SLC25A51: variants seen among roughly 807,000 people sequenced by gnomAD.
The protein encoded by SLC25A51 is solute carrier family 25 member 51.
SLC25A51 carries 11 observed loss-of-function variants against 19.1 expected under a neutral mutation model. The ratio of observed to expected loss-of-function variants is 0.58; its 90% CI spans 0.36 to 0.96. The LOEUF (loss-of-function observed/expected upper bound fraction) is 0.96. Among genes scored for constraint, SLC25A51 ranks in the 40% least tolerant of loss-of-function variants. The pLI is 0.01. For missense variants in SLC25A51, 201 were observed against 365.4 expected (o/e 0.55, Z 3.67); for synonymous variants, 105 against 133.6 (o/e 0.79, Z 1.47).
At chr9:37,902,570 T>C (rs941861428) in intron 1 of SLC25A51, among the ~76,000 whole-genome samples, 8 of 152,274 alleles carry the variant, frequency 5.3e-5, no homozygotes, top group Admixed American at 3.3e-4. Context: ...TTTAGACTTT[T>C]GCATGTTTAC....
At chr9:37,884,184 A>G (rs1056089293), downstream of SLC25A51, among the ~76,000 whole-genome samples, 1 of 152,248 alleles carries the variant, frequency 6.6e-6, no homozygotes, top group Non-Finnish European at 1.5e-5. Flanking sequence ...TTTAAGATGC[A>G]TAATCCACTT....
At chr9:37,890,586 C>T (rs1021453429) in intron 2 of SLC25A51, among the ~76,000 whole-genome samples, 1 of 151,512 alleles carries the variant, frequency 6.6e-6, no homozygotes, top group Non-Finnish European at 1.5e-5. Context: ...ACACCAGCTA[C>T]TGGGAAGGTG....
intron 2 of SLC25A51, among the ~76,000 whole-genome samples, chr9:37,898,801 G>C (rs895816459): frequency 6.6e-6 from 1 of 152,088 alleles, no homozygotes; most frequent in African/African-American, 2.4e-5. Flanking sequence ...TTTCAAACAT[G>C]GGAAGGAAAT....
rs1337383559 is a variant in SLC25A51, at chr9:37,891,394, T to C, written c.-42-2802A>G. 3.3e-5 allele frequency among the ~76,000 whole-genome samples: 5 copies of C among 152,294 alleles called. No homozygotes were observed. The South Asian group carries it at 6.2e-4, about 19-fold the overall frequency. On this transcript the variant is annotated intron_variant, in intron 2 of 2. Transcript: ENST00000242275. ...CATTGAGAACGGGCCATGATGACGA[T>C]GGCGGTTTTGTCGAATAGAAAAGGG...
chr9:37,893,409 C>A (rs1214578875), intron 2 of SLC25A51, among the ~76,000 whole-genome samples: 26 of 152,304 alleles, frequency 1.7e-4, no homozygotes, highest in Middle Eastern at 6.8e-3. Context: ...ACTAATGTCA[C>A]TGCAGGCCCA....
downstream of SLC25A51, among the ~76,000 whole-genome samples, chr9:37,884,375 T>G (rs1831406748): frequency 6.6e-6 from 1 of 152,218 alleles, no homozygotes; most frequent in African/African-American, 2.4e-5. Flanking sequence ...ATGTCTTTAT[T>G]TAGATCATAT....
intron 2 of SLC25A51, among the ~76,000 whole-genome samples, chr9:37,894,141 C>T (rs562285804): frequency 7.9e-5 from 12 of 152,146 alleles, no homozygotes; most frequent in Admixed American, 2.0e-4. Context: ...ATTCTACCTC[C>T]TATTTATGGT....
chr9:37,885,597 T>G, downstream of SLC25A51: 2 of 732,518 alleles, frequency 2.7e-6, no homozygotes, highest in Admixed American at 2.0e-5. Flanking sequence ...CACTGTGAGT[T>G]TCACTCTTTT....
At chr9:37,886,963 A>C (rs1831470756), downstream of SLC25A51, among the ~76,000 whole-genome samples, 1 of 150,944 alleles carries the variant, frequency 6.6e-6, no homozygotes, top group Admixed American at 6.6e-5. Context: ...GGAGATCGAG[A>C]CCATCCTGGC....
At chr9:37,888,747 T>G (rs1458484625) in intron 2 of SLC25A51, among the ~76,000 whole-genome samples, 155 bp from the exon 3 acceptor site, 3 of 152,208 alleles carry the variant, frequency 2.0e-5, no homozygotes, top group African/African-American at 7.2e-5. Flanking sequence ...CCCCTGGAAG[T>G]CCCTGAGATC....
chr9:37,881,160 G>A (rs1400717436), intron 3 of SLC25A51, among the ~76,000 whole-genome samples: 1 of 148,516 alleles, frequency 6.7e-6, no homozygotes, highest in African/African-American at 2.5e-5. Context: ...TAACCAATGA[G>A]CTACAACAGA....
intron 2 of SLC25A51, among the ~76,000 whole-genome samples, chr9:37,891,431 G>A (rs1587162534): frequency 6.6e-6 from 1 of 152,352 alleles, no homozygotes; most frequent in East Asian, 1.9e-4. Context: ...GAAATGTGGG[G>A]AAAAGACAGA....
At chr9:37,883,432 CTTAT>C (rs1188347845), downstream of SLC25A51, among the ~76,000 whole-genome samples, 1 of 152,200 alleles carries the variant, frequency 6.6e-6, no homozygotes, top group Non-Finnish European at 1.5e-5. Context: ...TTAAATGCCA[CTTAT>C]TTGAGACAGC....
downstream of SLC25A51, chr9:37,885,986 T>A: frequency 6.2e-7 from 1 of 1,613,856 alleles, no homozygotes; most frequent in Non-Finnish European, 8.5e-7. Flanking sequence ...TGTGGAGTTC[T>A]TTGCCAATTG....
At chr9:37,879,049 G>A (rs1287729664), downstream of SLC25A51, 7 of 332,706 alleles carry the variant, frequency 2.1e-5, no homozygotes, top group Non-Finnish European at 4.2e-5. Context: ...AGTATTGATG[G>A]GTTCTACTTC....
chr9:37,902,803 A>G (rs1467117945), intron 1 of SLC25A51, among the ~76,000 whole-genome samples: 1 of 152,260 alleles, frequency 6.6e-6, no homozygotes, highest in African/African-American at 2.4e-5. Flanking sequence ...TGTAAAGTCT[A>G]AAACCTTATT....
downstream of SLC25A51, among the ~76,000 whole-genome samples, chr9:37,885,340 GAT>G (rs542848182): frequency 7.2e-5 from 3 of 41,930 alleles, no homozygotes; most frequent in African/African-American, 1.1e-4. Flanking sequence ...CTTAGGTAAT[GAT>G]AAAAAAAAAA....
At chr9:37,879,723 G>A (rs1403706342) in exon 4 of SLC25A51, 2 of 152,202 alleles carry the variant, frequency 1.3e-5, no homozygotes, top group Non-Finnish European at 2.9e-5. Context: ...GTGTAAGCCA[G>A]CTTCCCCAAG....
intron 1 of SLC25A51, among the ~76,000 whole-genome samples, chr9:37,903,002 T>A (rs1206240003): frequency 6.6e-6 from 1 of 152,206 alleles, no homozygotes; most frequent in African/African-American, 2.4e-5. Context: ...AGCTTGCCAA[T>A]ATAAAGACAA....
Sources: allele counts gnomAD v4.1 joint callset (sites outside exome capture counted in the v4.1 genomes callset), GRCh38; gene constraint gnomAD v4.1.1; transcripts MANE v1.5; gene names NCBI Gene and HGNC (gene_info 2026-07-23, HGNC 2026-07-21).